FOXK1: variants seen among roughly 807,000 people sequenced by gnomAD.
FOXK1 encodes forkhead box K1.
A neutral mutation model predicts 51.9 loss-of-function variants in FOXK1; 19 were observed. That is an observed-to-expected ratio of 0.37 (90% CI 0.26 to 0.54). FOXK1 has a LOEUF of 0.54. Ranked by LOEUF, FOXK1 falls within the 20% of genes least tolerant of loss-of-function variation. The pLI, the probability that FOXK1 is intolerant of heterozygous loss-of-function variation, is 0.87. For missense variants in FOXK1, 870 were observed against 1,032.7 expected (o/e 0.84, Z 2.16); for synonymous variants, 537 against 482.6 (o/e 1.11, Z -1.48).
rs906025441 is a variant in FOXK1, at chr7:4,753,215, C to T, written c.747-1244C>T. Among the ~76,000 whole-genome samples the T allele has an allele frequency of 2.9e-4, 44 of 152,186 alleles. No homozygotes were observed. Among genetic ancestry groups the T allele is most frequent in the African/African-American group, 2.4e-5 (1 of 41,438 alleles). On this transcript the variant is annotated intron_variant, in intron 2 of 8. Transcript: ENST00000328914. This position sits in a 1 kb window ranked among gnomAD's most constrained non-coding sequence, Gnocchi z 4.9. ...TCAGCTGTCAGGTTTTTCTCAGCCACAGGATTTTTTTCATTCATTCCTCTG... is the reference window on the plus strand; with the variant it reads ...TCAGCTGTCAGGTTTTTCTCAGCCATAGGATTTTTTTCATTCATTCCTCTG...
At chr7:4,718,763 G>A (rs1353684480) in intron 1 of FOXK1, among the ~76,000 whole-genome samples, 6 of 152,224 alleles carry the variant, frequency 3.9e-5, no homozygotes, top group African/African-American at 1.4e-4. Context: ...AGCATTTGCT[G>A]TATTTGTTTT....
chr7:4,691,837 G>A (rs1330744593), intron 1 of FOXK1, among the ~76,000 whole-genome samples: 1 of 152,154 alleles, frequency 6.6e-6, no homozygotes. Context: ...CAGAGACCCT[G>A]TTATTATGAA....
In FOXK1 at chr7:4,703,764, G is replaced by A. The variant is rs1464586119; in HGVS notation, c.560+20896G>A. ...GCTCCGGAGGCACTTTCAGAGCATCGTGACTAGATAAAAGTAGGTGAAAAG... is the reference window on the plus strand; with the variant it reads ...GCTCCGGAGGCACTTTCAGAGCATCATGACTAGATAAAAGTAGGTGAAAAG... On this transcript the variant is annotated intron_variant, in intron 1 of 8. Coordinates refer to ENST00000328914, the MANE Select transcript of FOXK1 (RefSeq NM_001037165.2). This position sits in a 1 kb window ranked among gnomAD's most constrained non-coding sequence, Gnocchi z 5.6. 2.6e-5 allele frequency among the ~76,000 whole-genome samples: 4 copies of A among 152,114 alleles called. No homozygotes were observed. Among genetic ancestry groups the A allele is most frequent in the African/African-American group, 7.2e-5 (3 of 41,426 alleles).
intron 1 of FOXK1, among the ~76,000 whole-genome samples, chr7:4,725,802 C>G (rs909813209): frequency 6.6e-6 from 1 of 152,224 alleles, no homozygotes; most frequent in African/African-American, 2.4e-5. Context: ...AGGCTGGGAT[C>G]CAGGCAAGGT....
intron 1 of FOXK1, among the ~76,000 whole-genome samples, chr7:4,699,371 G>A (rs1779992445): frequency 6.9e-6 from 1 of 145,470 alleles, no homozygotes; most frequent in South Asian, 2.3e-4. Flanking sequence ...TATCCACAGG[G>A]TTAGGTTTTT....
chr7:4,708,258 G>T (rs1780130145), intron 1 of FOXK1, among the ~76,000 whole-genome samples: 1 of 152,156 alleles, frequency 6.6e-6, no homozygotes, highest in South Asian at 2.1e-4. Flanking sequence ...TGGCAGAGAG[G>T]TCTCTAAAAA....
intron 1 of FOXK1, among the ~76,000 whole-genome samples, chr7:4,697,422 A>C (rs115490136): frequency 8.2e-4 from 125 of 152,308 alleles, no homozygotes; most frequent in African/African-American, 2.9e-3. Context: ...GTTTGTAAAT[A>C]AAGTTTTATT....
rs1269610572 is a variant in FOXK1 at position 4,762,976 on chromosome 7, T to C, written c.*512T>C. The stretch of plus-strand genomic sequence containing the variant: ...CCTAACAGCCTCTCCGCCCGGAACG[T>C]GACATAGAGAGTGTTGGCATTAACT... On this transcript the variant is annotated 3_prime_UTR_variant, in exon 9 of 9. Coordinates refer to ENST00000328914, the MANE Select transcript of FOXK1 (RefSeq NM_001037165.2). The surrounding 1 kb of genome is among the most constrained non-coding windows in gnomAD (Gnocchi z 5.7). 1 of 158,870 alleles carries C rather than the reference T, an allele frequency of 6.3e-6. No homozygotes were observed. Among genetic ancestry groups the C allele is most frequent in the African/African-American group, 2.4e-5 (1 of 41,484 alleles). The allele number at this position is 158,870 out of a possible 1,614,324, so 9.8% of individuals were successfully genotyped here.
chr7:4,705,993 C>A (rs376692204), intron 1 of FOXK1, among the ~76,000 whole-genome samples: 1 of 103,226 alleles, frequency 9.7e-6, no homozygotes, highest in African/African-American at 4.7e-5. Context: ...CGTATATATA[C>A]GTATATATAC....
At chr7:4,688,299 A>G (rs933026742) in intron 1 of FOXK1, among the ~76,000 whole-genome samples, 4 of 151,074 alleles carry the variant, frequency 2.6e-5, no homozygotes, top group African/African-American at 4.9e-5. Flanking sequence ...TGTCATTATC[A>G]CACCTAAAAA....
intron 1 of FOXK1, among the ~76,000 whole-genome samples, chr7:4,684,524 G>A (rs964612464): frequency 6.6e-6 from 1 of 152,154 alleles, no homozygotes; most frequent in Non-Finnish European, 1.5e-5. Context: ...CAGAACTCAG[G>A]AGATAACAAA....
intron 1 of FOXK1, among the ~76,000 whole-genome samples, chr7:4,702,286 G>A (rs990815540): frequency 1.4e-4 from 21 of 152,042 alleles, no homozygotes; most frequent in Admixed American, 8.5e-4. Flanking sequence ...GACCTCCCGC[G>A]TATGTCACAT....
chr7:4,697,294 A>G lies in FOXK1; in HGVS notation c.560+14426A>G, dbSNP rs116008018. Among the ~76,000 whole-genome samples, 1,287 of 152,176 alleles carry G rather than the reference A, an allele frequency of 8.5e-3. 20 individuals are homozygous for G. The highest frequency in any genetic ancestry group is 0.029 in the African/African-American group (1,204 of 41,564). On this transcript the variant is annotated intron_variant, in intron 1 of 8. Coordinates refer to ENST00000328914, the MANE Select transcript of FOXK1 (RefSeq NM_001037165.2). ...TCTCCGGCCACTCCAAGGGAAGGCA[A>G]CGTGCTCAGGAAGAAGATGACAGTG...
rs578258798 is a variant in FOXK1 at position 4,711,684 on chromosome 7, G to C, written c.560+28816G>C. Among the ~76,000 whole-genome samples, 1 of 152,336 alleles carries C rather than the reference G, an allele frequency of 6.6e-6. No homozygotes were observed. Among genetic ancestry groups the C allele is most frequent in the Admixed American group, 6.5e-5 (1 of 15,298 alleles). On this transcript the variant is annotated intron_variant, in intron 1 of 8. Transcript: ENST00000328914. This position sits in a 1 kb window ranked among gnomAD's most constrained non-coding sequence, Gnocchi z 6.3. ...CCTCTCGTATCTGCATCACCCATAA[G>C]GGGTGGGCAGTGGTGCTGCCGTGTC... is the stretch of plus-strand genomic sequence containing the variant.
chr7:4,746,754 CAGG>C (rs1402066565), intron 2 of FOXK1, among the ~76,000 whole-genome samples: 4 of 152,210 alleles, frequency 2.6e-5, no homozygotes, highest in Non-Finnish European at 5.9e-5. Flanking sequence ...AGCAGGGCTG[CAGG>C]AGGATTGTGG....
At chr7:4,726,800 C>T (rs563521323) in intron 1 of FOXK1, among the ~76,000 whole-genome samples, 1 of 152,202 alleles carries the variant, frequency 6.6e-6, no homozygotes, top group South Asian at 2.1e-4. Flanking sequence ...ACAACACAGG[C>T]GCTTTCCCTC....
intron 2 of FOXK1, among the ~76,000 whole-genome samples, chr7:4,750,447 T>A (rs1018192404): frequency 1.4e-5 from 2 of 147,640 alleles, no homozygotes; most frequent in African/African-American, 4.9e-5. Flanking sequence ...TTTCAGCACT[T>A]TTTTTTTTTT....
rs186354260 is a variant in FOXK1 at position 4,700,904 on chromosome 7, G to A, written c.560+18036G>A. 3.8e-4 allele frequency among the ~76,000 whole-genome samples: 58 copies of A among 152,328 alleles called. No homozygotes were observed. The East Asian group carries it at 9.5e-3, about 25-fold the overall frequency. On this transcript the variant is annotated intron_variant, in intron 1 of 8. Coordinates refer to ENST00000328914, the MANE Select transcript of FOXK1 (RefSeq NM_001037165.2). ...CATCCCACATACATGCGTCTGTGCTGCCATCATCGCTGCTGTTACTGTCAA... is the reference window on the plus strand; with the variant it reads ...CATCCCACATACATGCGTCTGTGCTACCATCATCGCTGCTGTTACTGTCAA...
rs1007444002 is a variant in FOXK1, at chr7:4,762,966, G to T, written c.*502G>T. The stretch of plus-strand genomic sequence containing the variant: ...CCACGGACCACCTAACAGCCTCTCC[G>T]CCCGGAACGTGACATAGAGAGTGTT... On this transcript the variant is annotated 3_prime_UTR_variant, in exon 9 of 9. Transcript: ENST00000328914. This position sits in a 1 kb window ranked among gnomAD's most constrained non-coding sequence, Gnocchi z 5.7. The T allele has an allele frequency of 1.2e-5, 2 of 160,266 alleles. No individual in the cohort carries two copies. Among genetic ancestry groups the T allele is most frequent in the African/African-American group, 4.8e-5 (2 of 41,534 alleles). The allele number at this position is 160,266 out of a possible 1,614,324, so 9.9% of individuals were successfully genotyped here.
Sources: allele counts gnomAD v4.1 joint callset (sites outside exome capture counted in the v4.1 genomes callset), GRCh38; gene constraint gnomAD v4.1.1; non-coding constraint Gnocchi (gnomAD v3.1); transcripts MANE v1.5; gene names NCBI Gene and HGNC (gene_info 2026-07-23, HGNC 2026-07-21).